Variants in ADGRV1 observed in about 807,000 individuals in gnomAD.
The protein encoded by ADGRV1 is adhesion G protein-coupled receptor V1.
A neutral mutation model predicts 596.2 loss-of-function variants in ADGRV1; 359 were observed. The observed-to-expected ratio is 0.60, with a 90% CI of 0.55 to 0.66. ADGRV1 has a LOEUF of 0.66. ADGRV1 is among the 30% of genes least tolerant of loss of function. The pLI is 0.00. For missense variants in ADGRV1, 7,274 were observed against 7,575.6 expected (o/e 0.96, Z 1.48); for synonymous variants, 2,681 against 2,679.2 (o/e 1.00, Z -0.02).
chr5:91,058,776 A>G (rs1347854465), intron 85 of ADGRV1, among the ~76,000 whole-genome samples: 2 of 152,172 alleles, frequency 1.3e-5, no homozygotes, highest in African/African-American at 4.8e-5. Context: ...AGCAAAGGGA[A>G]AGTTTTCCTC....
intron 11 of ADGRV1, among the ~76,000 whole-genome samples, chr5:90,641,685 TTTTCTACATA>T (rs2149424185): frequency 6.6e-6 from 1 of 152,316 alleles, no homozygotes; most frequent in African/African-American, 2.4e-5. Context: ...AGTGAGCTTT[TTTTCTACATA>T]TTTCTACATA....
At chr5:90,777,751 T>G (rs988019991) in intron 61 of ADGRV1, among the ~76,000 whole-genome samples, 154 bp from the exon 62 acceptor site, 1 of 152,220 alleles carries the variant, frequency 6.6e-6, no homozygotes, top group Non-Finnish European at 1.5e-5. Flanking sequence ...ACTTTAAGAC[T>G]TCCTTTGGTT....
intron 70 of ADGRV1, among the ~76,000 whole-genome samples, chr5:90,797,287 CAAAAA>C (rs780696194): frequency 1.9e-4 from 5 of 26,350 alleles, no homozygotes; most frequent in East Asian, 1.3e-3. Flanking sequence ...AAATGAAAAG[CAAAAA>C]AAAAAAAAAA....
intron 85 of ADGRV1, among the ~76,000 whole-genome samples, chr5:91,007,713 G>A (rs11948953): frequency 0.14 from 21,029 of 152,070 alleles, 1,969 homozygotes; most frequent in African/African-American, 0.24. Context: ...GGAAATTCCA[G>A]TGCATTTTTA....
intron 84 of ADGRV1, among the ~76,000 whole-genome samples, chr5:90,971,557 A>C (rs191918977): frequency 0.01 from 1,573 of 152,320 alleles, 15 homozygotes; most frequent in Middle Eastern, 0.031. Flanking sequence ...CAACATTCTT[A>C]AAGAAAAGAA....
intron 76 of ADGRV1, among the ~76,000 whole-genome samples, chr5:90,826,050 A>G (rs1031250761): frequency 6.6e-6 from 1 of 152,232 alleles, no homozygotes; most frequent in Admixed American, 6.5e-5. Context: ...ATTTAAAAAG[A>G]GAGAAGATGG....
At chr5:91,068,864 A>G (rs953424887) in intron 85 of ADGRV1, among the ~76,000 whole-genome samples, 2 of 152,212 alleles carry the variant, frequency 1.3e-5, no homozygotes, top group Non-Finnish European at 2.9e-5. Context: ...ACGAAGCCAG[A>G]GGCATCACAT....
intron 51 of ADGRV1, 37 bp downstream of exon 51, chr5:90,745,302 C>T (rs78154615): frequency 7.7e-7 from 1 of 1,305,698 alleles, no homozygotes; most frequent in Non-Finnish European, 1.1e-6. Context: ...TCTTTATGTT[C>T]ACTGTAATTT....
At chr5:90,564,625 A>ATT (rs1206428975) in intron 1 of ADGRV1, among the ~76,000 whole-genome samples, 20 of 33,592 alleles carry the variant, frequency 6.0e-4, no homozygotes, top group East Asian at 9.6e-4. Context: ...ATATATATAT[A>ATT]TTTTTTTTTT....
At chr5:90,718,936 G>A (rs913232343) in intron 43 of ADGRV1, among the ~76,000 whole-genome samples, 1 of 152,014 alleles carries the variant, frequency 6.6e-6, no homozygotes, top group South Asian at 2.1e-4. Context: ...ATTCCAAAAA[G>A]TTTTTATTTT....
At chr5:91,154,156 C>T (rs1188720689) in intron 89 of ADGRV1, among the ~76,000 whole-genome samples, 1 of 152,106 alleles carries the variant, frequency 6.6e-6, no homozygotes, top group African/African-American at 2.4e-5. Flanking sequence ...TTTGAGTTTT[C>T]AAATCAAATA....
chr5:90,720,961 C>G lies in ADGRV1; in HGVS notation c.9650C>G (p.Ala3217Gly), dbSNP rs114137750. 6.2e-7 allele frequency: 1 copy of G among 1,610,920 alleles called. No individual in the cohort carries two copies. The highest frequency in any genetic ancestry group is 8.5e-7 in the Non-Finnish European group (1 of 1,178,042). Residue 3217 changes from alanine (A) to glycine (G), a missense_variant, in exon 45 of 90, where the codon GCC becomes GGC. Around this residue, in one of 5 missense-constraint regions of ADGRV1, gnomAD observed 3,643 missense variants for 3,809.2 expected, o/e 0.96. Coordinates refer to ENST00000405460, the MANE Select transcript of ADGRV1 (RefSeq NM_032119.4). ...GCCACCTCCATAGACATCGAAGAAG[C>G]CAATAGGACCGTGTATTTAAATGTA... ...NRATSIDIEE[A>G]NRTVYLNVSR...
At chr5:90,925,640 T>C (rs1241464256) in intron 83 of ADGRV1, among the ~76,000 whole-genome samples, 1 of 149,072 alleles carries the variant, frequency 6.7e-6, no homozygotes, top group African/African-American at 2.5e-5. Flanking sequence ...TCCTGCCTAA[T>C]TGCCCTGGCC....
At chr5:90,939,260 T>G (rs187972169) in intron 83 of ADGRV1, among the ~76,000 whole-genome samples, 263 of 152,324 alleles carry the variant, frequency 1.7e-3, no homozygotes, top group South Asian at 3.3e-3. Flanking sequence ...GATTAGAGTT[T>G]CTCTCATTAA....
chr5:90,995,197 C>T (rs1781313516), intron 85 of ADGRV1, among the ~76,000 whole-genome samples: 1 of 152,178 alleles, frequency 6.6e-6, no homozygotes, highest in Non-Finnish European at 1.5e-5. Context: ...TGTTAAATCA[C>T]TTGCTTTTAG....
chr5:90,682,272 G>A (rs866470587), intron 27 of ADGRV1, among the ~76,000 whole-genome samples: 1 of 152,214 alleles, frequency 6.6e-6, no homozygotes, highest in Non-Finnish European at 1.5e-5. Context: ...AAATGTGGAT[G>A]TGAAGAACAG....
At chr5:90,776,605 A>T (rs914686351) in intron 61 of ADGRV1, 29 bp downstream of exon 61, 3 of 1,610,888 alleles carry the variant, frequency 1.9e-6, no homozygotes, top group Non-Finnish European at 2.5e-6. Flanking sequence ...TTCTTTGCCT[A>T]TATGGGGGTT....
Position 90,622,609 on chromosome 5 carries a change from G to T in ADGRV1, c.466G>T (p.Ala156Ser), listed in dbSNP as rs201180985. 9 of 1,449,434 alleles carry T rather than the reference G, an allele frequency of 6.2e-6. No individual in the cohort carries two copies. Among genetic ancestry groups the T allele is most frequent in the South Asian group, 1.7e-5 (1 of 59,258 alleles). The allele number at this position is 1,449,434 out of a possible 1,614,324, so 89.8% of individuals were successfully genotyped here. A position where few individuals can be genotyped will look rare whatever the true frequency, so the allele number is the denominator to read the frequency against. The change falls in exon 5 of 90, where the codon GCA becomes TCA. Residue 156 changes from alanine (A) to serine (S), a missense_variant. Transcript: ENST00000405460. ...CTTTCCTCAATAGCTTCCCTCAATC[G>T]CAGTGAGTGAGCCCAAGGGCAGAAA... is the stretch of plus-strand genomic sequence containing the variant. Reference protein sequence around the residue: ...IISFNMLPSIAVSEPKGRNES... With the variant: ...IISFNMLPSISVSEPKGRNES...
At chr5:90,639,399 T>C (rs973547447) in intron 11 of ADGRV1, among the ~76,000 whole-genome samples, 7 of 152,180 alleles carry the variant, frequency 4.6e-5, no homozygotes, top group Admixed American at 2.6e-4. Context: ...GTTTAAAGAA[T>C]GATTTACACT....
Sources: allele counts gnomAD v4.1 joint callset (sites outside exome capture counted in the v4.1 genomes callset), GRCh38; gene constraint gnomAD v4.1.1; regional missense constraint gnomAD v4.1.1; transcripts MANE v1.5; gene names NCBI Gene and HGNC (gene_info 2026-07-23, HGNC 2026-07-21).